MNS1: variants seen among roughly 807,000 people sequenced by gnomAD.
MNS1 encodes meiosis-specific nuclear structural protein 1.
MNS1 carries 63 observed loss-of-function variants against 72.0 expected under a neutral mutation model. The observed-to-expected ratio is 0.87, with a 90% CI of 0.71 to 1.08. MNS1 has a LOEUF of 1.08. MNS1 is among the 50% of genes least tolerant of loss of function. The pLI is 0.00. For missense variants in MNS1, 604 were observed against 562.4 expected (o/e 1.07, Z -0.75); for synonymous variants, 188 against 172.1 (o/e 1.09, Z -0.72).
At chr15:56,439,530 C>T (rs1288057472) in intron 7 of MNS1, among the ~76,000 whole-genome samples, 1 of 151,870 alleles carries the variant, frequency 6.6e-6, no homozygotes, top group African/African-American at 2.4e-5. Context: ...CATAGACCAA[C>T]AGAACAAAAT....
In MNS1 at chr15:56,464,136, TG is replaced by T. The variant is rs750064340; in HGVS notation, c.114del (p.Arg39GlyfsTer44). 3 of 1,614,158 alleles carry T rather than the reference TG, an allele frequency of 1.9e-6. No individual in the cohort carries two copies. The highest frequency in any genetic ancestry group is 2.5e-6 in the Non-Finnish European group (3 of 1,180,012). ...TTTTCATTCTGCACCATTTGATTCC[TG>T]ATTTGACTGTTGACGTTTTTTAGAG... ...VQALKNVNSQ[I>X]RNQMVQNEND... is the part of the protein sequence containing the mutation. On this transcript the variant is annotated frameshift_variant, in exon 2 of 10. Transcript: ENST00000260453. LOFTEE classifies it high-confidence loss of function.
At chr15:56,438,571 G>GCATTGGTAGGCAATGCCTAGGCAAT (rs2050767442) in intron 7 of MNS1, among the ~76,000 whole-genome samples, 1 of 152,036 alleles carries the variant, frequency 6.6e-6, no homozygotes, top group Non-Finnish European at 1.5e-5. Flanking sequence ...TACCATTCAG[G>GCATTGGTAGGCAATGCCTAGGCAAT]ACATAGGCAT....
chr15:56,461,534 G>A (rs2140383837), intron 2 of MNS1, among the ~76,000 whole-genome samples: 1 of 151,846 alleles, frequency 6.6e-6, no homozygotes, highest in Admixed American at 6.6e-5. Context: ...GGTGGTGCAG[G>A]CCTGTAATCT....
At chr15:56,439,148 A>T (rs1188694400) in intron 7 of MNS1, among the ~76,000 whole-genome samples, 1 of 152,190 alleles carries the variant, frequency 6.6e-6, no homozygotes, top group Non-Finnish European at 1.5e-5. Context: ...GAGTACACGG[A>T]CACCAAAATA....
chr15:56,431,608 G>T, intron 8 of MNS1, 110 bp from the exon 9 acceptor site: 1 of 981,188 alleles, frequency 1.0e-6, no homozygotes, highest in Non-Finnish European at 1.5e-6. Flanking sequence ...AACTATTTAT[G>T]ACACTAAGTT....
chr15:56,428,991 A>T lies in MNS1; in HGVS notation c.*110T>A, dbSNP rs2050466408. 2 of 592,824 alleles carry T rather than the reference A, an allele frequency of 3.4e-6. No individual in the cohort carries two copies. Among genetic ancestry groups the T allele is most frequent in the Non-Finnish European group, 5.7e-6 (2 of 349,140 alleles). 36.7% of individuals were successfully genotyped at this position (592,824 alleles called of 1,614,324 possible). On this transcript the variant is annotated 3_prime_UTR_variant, in exon 10 of 10. Transcript: ENST00000260453. ...TATGAAATTCAGTGATGATTTACAA[A>T]ATCCAAACAGACAATGGATACCTAA...
At position 56,445,841 on chromosome 15, in the gene MNS1, A is replaced by G. The variant is rs1420922988; in HGVS notation, c.456+1000T>C. 3.9e-5 allele frequency: 6 copies of G among 152,096 alleles called. No homozygotes were observed. The East Asian group carries it at 1.2e-3, about 29-fold the overall frequency. 9.4% of individuals were successfully genotyped at this position (152,096 alleles called of 1,614,324 possible). On this transcript the variant is annotated intron_variant, in intron 4 of 9. Transcript: ENST00000260453. ...TCTACAACTACCTTGAATAACTTCA[A>G]CTATCAGGATAATTAAAACTGCAAA...
intron 2 of MNS1, among the ~76,000 whole-genome samples, chr15:56,462,657 T>G (rs1247839143): frequency 6.6e-6 from 1 of 152,198 alleles, no homozygotes; most frequent in Admixed American, 6.5e-5. Flanking sequence ...CTGTTTTCAA[T>G]TAAGAGGGAC....
At chr15:56,449,289 G>A (rs1319402642) in intron 3 of MNS1, among the ~76,000 whole-genome samples, 3 of 145,190 alleles carry the variant, frequency 2.1e-5, no homozygotes, top group African/African-American at 8.3e-5. Flanking sequence ...TAATGTTGCT[G>A]TAAATTCCCT....
intron 7 of MNS1, among the ~76,000 whole-genome samples, chr15:56,436,731 G>A (rs1234894648): frequency 6.6e-6 from 1 of 152,080 alleles, no homozygotes; most frequent in Non-Finnish European, 1.5e-5. Context: ...ACAAAGAAAA[G>A]AGAGAAGAAT....
intron 3 of MNS1, among the ~76,000 whole-genome samples, chr15:56,454,000 T>TAC (rs2050964387): frequency 6.6e-6 from 1 of 152,182 alleles, no homozygotes; most frequent in South Asian, 2.1e-4. Flanking sequence ...CAATTTGAAA[T>TAC]ACAGTCCATT....
In MNS1 at chr15:56,428,857, G is replaced by C. The variant is rs2050457215; in HGVS notation, c.*244C>G. On this transcript the variant is annotated 3_prime_UTR_variant, in exon 10 of 10. Coordinates refer to ENST00000260453, the MANE Select transcript of MNS1 (RefSeq NM_018365.4). ...AGGTAAATATACTGTCTTGAGGATGGGGATGCAAACAGTGCTCTGTAGTGT... is the reference window on the plus strand; with the variant it reads ...AGGTAAATATACTGTCTTGAGGATGCGGATGCAAACAGTGCTCTGTAGTGT... The C allele has an allele frequency of 2.3e-6, 1 of 429,468 alleles. No homozygotes were observed. The highest frequency in any genetic ancestry group is 2.1e-5 in the African/African-American group (1 of 48,316). 26.6% of individuals were successfully genotyped at this position (429,468 alleles called of 1,614,324 possible). A position where few individuals can be genotyped will look rare whatever the true frequency, so the allele number is the denominator to read the frequency against.
chr15:56,434,678 T>C (rs2140331226), intron 7 of MNS1, among the ~76,000 whole-genome samples: 1 of 152,278 alleles, frequency 6.6e-6, no homozygotes, highest in East Asian at 1.9e-4. Flanking sequence ...TGGAAAGAGC[T>C]GTTACAAAAG....
intron 4 of MNS1, 60 bp downstream of exon 4, chr15:56,446,781 C>G (rs2050907639): frequency 7.9e-7 from 1 of 1,268,196 alleles, no homozygotes; most frequent in Non-Finnish European, 1.1e-6. Context: ...TTTTAAGAAA[C>G]AAGTCTAATT....
rs533330153 is a variant in MNS1, at chr15:56,464,733, G to A, written c.3+237C>T. Among the ~76,000 whole-genome samples the A allele has an allele frequency of 2.8e-4, 43 of 152,208 alleles. No individual in the cohort carries two copies. The South Asian group carries it at 8.3e-3, about 29-fold the overall frequency. ...TTTTATATCTACTTATTTCTTCAGAGGTTCTATTGGGCAGATTTAAAGATG... is the reference window on the plus strand; with the variant it reads ...TTTTATATCTACTTATTTCTTCAGAAGTTCTATTGGGCAGATTTAAAGATG... On this transcript the variant is annotated intron_variant, in intron 1 of 9. Transcript: ENST00000260453.
At chr15:56,439,377 A>C (rs1370059416) in intron 7 of MNS1, among the ~76,000 whole-genome samples, 1 of 152,096 alleles carries the variant, frequency 6.6e-6, no homozygotes, top group Non-Finnish European at 1.5e-5. Flanking sequence ...TCAAAATCCC[A>C]GCAAAAAATA....
chr15:56,449,315 C>G (rs2050931776), intron 3 of MNS1, among the ~76,000 whole-genome samples: 1 of 151,992 alleles, frequency 6.6e-6, no homozygotes, highest in Admixed American at 6.5e-5. Context: ...CCCTAGCTTG[C>G]TACACTCTTT....
intron 2 of MNS1, among the ~76,000 whole-genome samples, chr15:56,460,801 G>A (rs2051015173): frequency 6.6e-6 from 1 of 152,176 alleles, no homozygotes; most frequent in South Asian, 2.1e-4. Flanking sequence ...AGCGCTTCCT[G>A]GCACAATGGC....
In MNS1 at chr15:56,430,441, G is replaced by T. The variant is rs531902299; in HGVS notation, c.1395+932C>A. Among the ~76,000 whole-genome samples, 18 of 152,216 alleles carry T rather than the reference G, an allele frequency of 1.2e-4. 1 individual carries two copies. In the South Asian group the frequency reaches 3.5e-3, roughly 30 times the overall value. On this transcript the variant is annotated intron_variant, in intron 9 of 9. Transcript: ENST00000260453. The stretch of plus-strand genomic sequence containing the variant: ...GGCTGGTCTTGAACTCCTGGGCTCA[G>T]GTGATCCTCCTGCCTCAGCCTCCCA...
Sources: allele counts gnomAD v4.1 joint callset (sites outside exome capture counted in the v4.1 genomes callset), GRCh38; gene constraint gnomAD v4.1.1; transcripts MANE v1.5; gene names NCBI Gene and HGNC (gene_info 2026-07-23, HGNC 2026-07-21).